The following ABCA4 variants were observed in gnomAD, a reference collection of about 807,000 sequenced individuals.
ABCA4 encodes the protein retinal-specific phospholipid-transporting ATPase ABCA4.
Under a neutral mutation model 263.7 loss-of-function variants are expected in ABCA4, and 196 were observed. The ratio of observed to expected loss-of-function variants is 0.74; its 90% CI spans 0.66 to 0.84. ABCA4 has a LOEUF of 0.84. ABCA4 is among the 40% of genes least tolerant of loss of function. The probability of loss-of-function intolerance (pLI) is 0.00; values close to 1 mark genes in which losing one functional copy is unlikely to be tolerated. For missense variants in ABCA4, 2,792 were observed against 2,855.1 expected (o/e 0.98, Z 0.50); for synonymous variants, 1,133 against 1,094.2 (o/e 1.04, Z -0.70).
chr1:94,111,775 A>C (rs1231729183), intron 2 of ABCA4, among the ~76,000 whole-genome samples, 196 bp from the exon 3 acceptor site: 1 of 152,138 alleles, frequency 6.6e-6, no homozygotes, highest in African/African-American at 2.4e-5. Flanking sequence ...TCTTCTCTCA[A>C]GCTCCCGGTG....
At chr1:94,113,774 C>A (rs1662672928) in intron 1 of ABCA4, among the ~76,000 whole-genome samples, 1 of 152,234 alleles carries the variant, frequency 6.6e-6, no homozygotes, top group Admixed American at 6.5e-5. Context: ...GGCACACTGC[C>A]ATGGGTTTTT....
chr1:94,022,678 G>T (rs1659935464), intron 32 of ABCA4, among the ~76,000 whole-genome samples: 1 of 152,180 alleles, frequency 6.6e-6, no homozygotes, highest in South Asian at 2.1e-4. Flanking sequence ...AGAAGCCAAA[G>T]TCAACAGAAC....
intron 45 of ABCA4, 189 bp downstream of exon 45, chr1:94,001,669 C>T: frequency 1.2e-6 from 1 of 847,088 alleles, no homozygotes; most frequent in Non-Finnish European, 1.9e-6. Context: ...TGTGCCGTGA[C>T]TTGTTTTTCT....
Position 94,031,993 on chromosome 1 carries a change from C to T in ABCA4, c.3913G>A (p.Gly1305Ser), listed in dbSNP as rs1660219342. ...GTCTGTCCAGCCTTCTCTCTGGGAC[C>T]CAAGCAGGGGTGTCGGGGGTTGACG... The part of the protein sequence containing the change: ...ENVNPRHPCL[G>S]PREKAGQTPQ... Residue 1305 changes from glycine to serine, a missense_variant, in exon 27 of 50, where the codon GGT becomes AGT. Transcript: ENST00000370225. 3 of 1,613,680 alleles carry T rather than the reference C, an allele frequency of 1.9e-6. No individual in the cohort carries two copies. Among genetic ancestry groups the T allele is most frequent in the Admixed American group, 1.7e-5 (1 of 59,984 alleles).
exon 1 of ABCA4, chr1:94,121,147 CCTT>C: frequency 9.8e-7 from 1 of 1,020,964 alleles, no homozygotes; most frequent in South Asian, 1.3e-5. Flanking sequence ...GACGCTGTGT[CCTT>C]CTCCTGGTGA....
At chr1:94,057,690 T>C (rs2101071070) in intron 14 of ABCA4, among the ~76,000 whole-genome samples, 1 of 152,348 alleles carries the variant, frequency 6.6e-6, no homozygotes, top group East Asian at 1.9e-4. Flanking sequence ...AACTTTCACA[T>C]TAACCAATGA....
At chr1:94,043,187 G>A in intron 21 of ABCA4, 149 bp downstream of exon 21, 4 of 1,174,488 alleles carry the variant, frequency 3.4e-6, no homozygotes, top group Non-Finnish European at 4.8e-6. Context: ...AAAATGATCT[G>A]GGGGCTGCTC....
At chr1:93,996,226 G>T (rs778154998) in intron 48 of ABCA4, 31 bp from the exon 49 acceptor site, 19 of 1,554,744 alleles carry the variant, frequency 1.2e-5, no homozygotes, top group Non-Finnish European at 1.6e-5. Context: ...AGATTAGGTA[G>T]ATATTTCCAG....
intron 49 of ABCA4, among the ~76,000 whole-genome samples, chr1:93,994,110 TG>T (rs1658938178): frequency 1.3e-5 from 2 of 152,322 alleles, no homozygotes; most frequent in Admixed American, 6.5e-5. Context: ...ATGGGGGAAC[TG>T]GAACAGTGTA....
rs148965388 is a variant in ABCA4, at chr1:94,031,179, C to T, written c.4129-59G>A. ...GTGGCATGGAGATGTCACACGTGCG[C>T]GTGCACACACATCTTCATTCTTTTA... On this transcript the variant is annotated intron_variant, in intron 27 of 49. Transcript: ENST00000370225. The T allele has an allele frequency of 1.0e-3, 1,649 of 1,601,472 alleles. 18 individuals carry two copies. In the African/African-American group the frequency reaches 0.019, roughly 19 times the overall value.
At chr1:94,036,632 T>C in intron 26 of ABCA4, 108 bp downstream of exon 26, 1 of 1,240,348 alleles carries the variant, frequency 8.1e-7, no homozygotes, top group Non-Finnish European at 1.2e-6. Context: ...GCCTCCCAAA[T>C]TGCTGGGATT....
In ABCA4 at chr1:94,071,190, A is replaced by G. The variant is rs553136333; in HGVS notation, c.1554+6500T>C. ...CACTATTATGGCATTATTTAATGAC[A>G]TGCTTATCTCTCCAATGTGAGCTTC... On this transcript the variant is annotated intron_variant, in intron 11 of 49. Transcript: ENST00000370225. 3.7e-4 allele frequency among the ~76,000 whole-genome samples: 57 copies of G among 152,326 alleles called. 1 individual carries two copies. The South Asian group carries it at 0.011, about 30-fold the overall frequency.
Position 94,014,036 on chromosome 1 carries a change from C to T in ABCA4, c.5460+507G>A, listed in dbSNP as rs565044063. Among the ~76,000 whole-genome samples, 7 of 152,196 alleles carry T rather than the reference C, an allele frequency of 4.6e-5. No individual in the cohort carries two copies. In the East Asian group the frequency reaches 9.7e-4, roughly 21 times the overall value. ...TGTATTGATGTGTGTGTGTGTAAAA[C>T]CCAACACCCAAAGTCCCTGAGAAAA... On this transcript the variant is annotated intron_variant, in intron 38 of 49. Transcript: ENST00000370225.
Position 94,107,916 on chromosome 1 carries a change from C to T in ABCA4, c.442+661G>A, listed in dbSNP as rs115921366. Among the ~76,000 whole-genome samples, 1,031 of 152,182 alleles carry T rather than the reference C, an allele frequency of 6.8e-3. 15 individuals carry two copies. Among genetic ancestry groups the T allele is most frequent in the African/African-American group, 0.023 (946 of 41,488 alleles). On this transcript the variant is annotated intron_variant, in intron 4 of 49. Coordinates refer to ENST00000370225, the MANE Select transcript of ABCA4 (RefSeq NM_000350.3). Reference sequence around the variant, plus strand: ...TATTCCCTTGCCTCTTCATTTCCCCCAGTCCATTTCCGTGCTCATCTGCCT... The same window carrying T: ...TATTCCCTTGCCTCTTCATTTCCCCTAGTCCATTTCCGTGCTCATCTGCCT...
At chr1:93,994,092 C>T (rs928430257) in intron 49 of ABCA4, among the ~76,000 whole-genome samples, 6 of 152,164 alleles carry the variant, frequency 3.9e-5, no homozygotes, top group Non-Finnish European at 5.9e-5. Flanking sequence ...CACAAAGATA[C>T]GAGTTATATG....
At position 94,019,717 on chromosome 1, in the gene ABCA4, A is replaced by G. The variant is rs1659843876; in HGVS notation, c.5061T>C (p.Ile1687=). ...TGGCTGGGACGAAGGACATGGAGAA[A>G]ATCACGCAGATGGCAACCACAGCAT... is the stretch of plus-strand genomic sequence containing the variant. ...SVDAVVAICV[I]FSMSFVPASF... is the part of the protein sequence containing the mutation. The change falls in exon 36 of 50, where the codon ATT becomes ATC. Residue 1687 remains isoleucine, a synonymous_variant. Transcript: ENST00000370225. 1 of 1,613,588 alleles carries G rather than the reference A, an allele frequency of 6.2e-7. No individual in the cohort carries two copies. Among genetic ancestry groups the G allele is most frequent in the Non-Finnish European group, 8.5e-7 (1 of 1,179,864 alleles).
At chr1:94,007,785 G>A (rs773339084) in intron 42 of ABCA4, 45 bp from the exon 43 acceptor site, 2 of 1,551,440 alleles carry the variant, frequency 1.3e-6, no homozygotes, top group Non-Finnish European at 1.8e-6. Context: ...GATCAAGAAG[G>A]TCTAAAATGT....
intron 11 of ABCA4, among the ~76,000 whole-genome samples, chr1:94,064,537 G>T (rs924315547): frequency 3.9e-5 from 6 of 152,176 alleles, no homozygotes; most frequent in Non-Finnish European, 7.4e-5. Context: ...ATAGATCAGT[G>T]GTTCCCATCT....
intron 38 of ABCA4, among the ~76,000 whole-genome samples, chr1:94,013,400 T>C (rs1659626574): frequency 6.6e-6 from 1 of 152,174 alleles, no homozygotes; most frequent in African/African-American, 2.4e-5. Context: ...ATTTGTCCTG[T>C]GTTCCCCAGT....
Sources: gnomAD v4.1 joint callset for allele counts (sites outside exome capture counted in the v4.1 genomes callset) on GRCh38, gnomAD v4.1.1 for gene constraint, MANE v1.5 for transcripts, NCBI Gene and HGNC (gene_info 2026-07-23, HGNC 2026-07-21) for gene names.